C10orf90: variants seen among roughly 807,000 people sequenced by gnomAD.
The protein encoded by C10orf90 is chromosome 10 open reading frame 90.
C10orf90 carries 56 observed loss-of-function variants against 62.5 expected under a neutral mutation model. The observed-to-expected ratio is 0.90, with a 90% CI of 0.72 to 1.12. C10orf90 has a LOEUF of 1.12. Ranked by LOEUF, C10orf90 falls within the 50% of genes most tolerant of loss-of-function variation. C10orf90 has a pLI of 0.00. For synonymous variants in C10orf90, 386 were observed against 340.4 expected (o/e 1.13, Z -1.47); for missense variants, 970 against 880.4 (o/e 1.10, Z -1.29).
intron 2 of C10orf90, among the ~76,000 whole-genome samples, chr10:126,629,684 T>G (rs768686707): frequency 6.0e-4 from 92 of 152,228 alleles, no homozygotes; most frequent in Non-Finnish European, 9.7e-4. Context: ...TGAGTAGCCA[T>G]TTGTAGAAAA....
intron 1 of C10orf90, among the ~76,000 whole-genome samples, chr10:126,663,978 G>A (rs1399048961): frequency 1.3e-5 from 2 of 152,124 alleles, no homozygotes; most frequent in African/African-American, 4.8e-5. Context: ...CCTCATTAAT[G>A]CTTTCTACCT....
intron 1 of C10orf90, among the ~76,000 whole-genome samples, chr10:126,660,818 G>C (rs966032847): frequency 6.6e-6 from 1 of 152,140 alleles, no homozygotes; most frequent in Non-Finnish European, 1.5e-5. Flanking sequence ...ACATGATCCT[G>C]CCTTAAATTG....
chr10:126,557,108 A>T (rs560842622), intron 2 of C10orf90, among the ~76,000 whole-genome samples: 2 of 152,102 alleles, frequency 1.3e-5, no homozygotes, highest in Admixed American at 1.3e-4. Flanking sequence ...GTCTCTGATG[A>T]CTTTTTTAAA....
chr10:126,470,869 C>CT (rs113491322), intron 4 of C10orf90, among the ~76,000 whole-genome samples: 41,164 of 151,864 alleles, frequency 0.27, 5,665 homozygotes, highest in Middle Eastern at 0.33. Context: ...ATTTTCTCTG[C>CT]TTTTTTTTCT....
intron 2 of C10orf90, among the ~76,000 whole-genome samples, chr10:126,625,071 G>T (rs1481874057): frequency 6.6e-6 from 1 of 152,182 alleles, no homozygotes; most frequent in South Asian, 2.1e-4. Flanking sequence ...GGAGCTGAGG[G>T]TGCTGAAGAG....
At chr10:126,583,519 T>G (rs2118113) in intron 2 of C10orf90, among the ~76,000 whole-genome samples, 141,547 of 152,268 alleles carry the variant, frequency 0.93, 66,041 homozygotes, top group Middle Eastern at 0.98. Context: ...ATTTATGAGA[T>G]TGAACACTAT....
chr10:126,432,798 A>G (rs1857666489), intron 7 of C10orf90, among the ~76,000 whole-genome samples: 1 of 152,214 alleles, frequency 6.6e-6, no homozygotes, highest in Admixed American at 6.5e-5. Flanking sequence ...TGGCATTGGA[A>G]TCTCAACCAA....
In C10orf90 at chr10:126,670,569, C is replaced by A; in HGVS notation, c.-89G>T. On this transcript the variant is annotated 5_prime_UTR_variant, in exon 1 of 10. Transcript: ENST00000488181. ...CAGGTATTGAGTGCAACAGGAGGGA[C>A]TTGGGCAGTGCCCCAGCTCGGACCT... The A allele has an allele frequency of 2.4e-6, 1 of 413,690 alleles. No individual in the cohort carries two copies. The highest frequency in any genetic ancestry group is 2.5e-5 in the Admixed American group (1 of 39,528). The allele number at this position is 413,690 out of a possible 1,614,324, so 25.6% of individuals were successfully genotyped here. A position where few individuals can be genotyped will look rare whatever the true frequency, so the allele number is the denominator to read the frequency against.
chr10:126,666,420 G>T (rs1375732348), intron 1 of C10orf90, among the ~76,000 whole-genome samples: 1 of 152,140 alleles, frequency 6.6e-6, no homozygotes. Flanking sequence ...AGTGTGCAAA[G>T]AAGCATGACC....
chr10:126,500,978 C>T (rs748245352), intron 4 of C10orf90, among the ~76,000 whole-genome samples: 9 of 152,212 alleles, frequency 5.9e-5, no homozygotes, highest in Non-Finnish European at 1.2e-4. Flanking sequence ...GAAGATCCTG[C>T]TCATGAGGTA....
intron 2 of C10orf90, among the ~76,000 whole-genome samples, chr10:126,514,421 T>C (rs1012686027): frequency 4.6e-5 from 7 of 152,178 alleles, no homozygotes; most frequent in African/African-American, 1.7e-4. Context: ...CTGAGGATAA[T>C]TTAGTGATCA....
chr10:126,642,996 C>A (rs1156543303), intron 2 of C10orf90, among the ~76,000 whole-genome samples: 1 of 152,188 alleles, frequency 6.6e-6, no homozygotes, highest in Non-Finnish European at 1.5e-5. Context: ...ATTTCTAGGG[C>A]TCCAGAAGTT....
At chr10:126,581,069 G>A (rs1260074738) in intron 2 of C10orf90, among the ~76,000 whole-genome samples, 3 of 152,266 alleles carry the variant, frequency 2.0e-5, no homozygotes, top group African/African-American at 4.8e-5. Flanking sequence ...GCAACAACTC[G>A]CTTAGACTAG....
chr10:126,506,097 C>T (rs927406331), intron 3 of C10orf90, among the ~76,000 whole-genome samples: 1 of 152,206 alleles, frequency 6.6e-6, no homozygotes, highest in Non-Finnish European at 1.5e-5. Context: ...TGTAGCTTTG[C>T]TGCATTTCAA....
At chr10:126,493,483 C>T (rs1016542973) in intron 4 of C10orf90, among the ~76,000 whole-genome samples, 5 of 151,764 alleles carry the variant, frequency 3.3e-5, no homozygotes, top group African/African-American at 4.8e-5. Flanking sequence ...GCCTAAGTCT[C>T]GCAAGTAGCT....
rs377340087 is a variant in C10orf90, at chr10:126,661,351, G to A, written c.240+8890C>T. On this transcript the variant is annotated intron_variant, in intron 1 of 9. Transcript: ENST00000488181. The stretch of plus-strand genomic sequence containing the variant: ...TATCTCTTTTAATGCCCCCAGCAAC[G>A]CTATAAGGCAGATATTATCATTGTT... Among the ~76,000 whole-genome samples the A allele has an allele frequency of 1.9e-4, 29 of 152,300 alleles. No individual in the cohort carries two copies. The East Asian group carries it at 1.9e-3, about 10-fold the overall frequency.
Position 126,504,739 on chromosome 10 carries a change from AGGGCGCGGGCT to A in C10orf90, c.741_751del (p.Ala248GlyfsTer16). ...AGAGTCCCCAGCAGTCCCCCACACC[AGGGCGCGGGCT>A]GGGGGGCCCACGCGTCTGGCCGTGA... On this transcript the variant is annotated frameshift_variant, in exon 4 of 10. Transcript: ENST00000488181. LOFTEE classifies it high-confidence loss of function. The surrounding 1 kb of genome is among the most constrained non-coding windows in gnomAD (Gnocchi z 4.1). 1 of 1,598,354 alleles carries A rather than the reference AGGGCGCGGGCT, an allele frequency of 6.3e-7. No homozygotes were observed.
intron 2 of C10orf90, among the ~76,000 whole-genome samples, chr10:126,639,723 T>G (rs1318940011): frequency 6.6e-6 from 1 of 152,262 alleles, no homozygotes; most frequent in Admixed American, 6.5e-5. Flanking sequence ...GATGCATTTC[T>G]GTCTGACACA....
intron 7 of C10orf90, among the ~76,000 whole-genome samples, chr10:126,442,629 GTGTGTATATATATATATATATATA>G (rs1858449114): frequency 1.1e-5 from 1 of 92,048 alleles, no homozygotes; most frequent in African/African-American, 4.4e-5. Context: ...ATTATTGTGT[GTGTGTATATATATATATATATATA>G]TATATATATA....
Sources: gnomAD v4.1 joint callset for allele counts (sites outside exome capture counted in the v4.1 genomes callset) on GRCh38, gnomAD v4.1.1 for gene constraint, Gnocchi (gnomAD v3.1) non-coding constraint, MANE v1.5 for transcripts, NCBI Gene and HGNC (gene_info 2026-07-23, HGNC 2026-07-21) for gene names.